Variants in DIP2B observed in about 807,000 individuals in gnomAD.
DIP2B encodes the protein disco-interacting protein 2 homolog B.
Under a neutral mutation model 198.0 loss-of-function variants are expected in DIP2B, and 76 were observed. That is an observed-to-expected ratio of 0.38 (90% CI 0.32 to 0.46). The LOEUF is 0.46. DIP2B is among the 20% of genes least tolerant of loss of function. The pLI is 0.99. For synonymous variants in DIP2B, 701 were observed against 739.1 expected, an observed-to-expected ratio of 0.95 and a Z score of 0.84; for missense variants, 1,559 against 1,978.4, an observed-to-expected ratio of 0.79 and a Z score of 4.02.
At chr12:50,536,267 ACGTG>A (rs1381382948) in intron 1 of DIP2B, among the ~76,000 whole-genome samples, 1 of 123,134 alleles carries the variant, frequency 8.1e-6, no homozygotes, top group Non-Finnish European at 1.7e-5. Context: ...TCTACTAAAT[ACGTG>A]CATACATACA....
At chr12:50,654,310 T>A (rs1247012413) in intron 3 of DIP2B, among the ~76,000 whole-genome samples, 2 of 151,816 alleles carry the variant, frequency 1.3e-5, no homozygotes, top group African/African-American at 4.8e-5. Flanking sequence ...CCATAAACAA[T>A]GTCAAAAAAA....
chr12:50,629,869 C>A (rs941030470), intron 2 of DIP2B, among the ~76,000 whole-genome samples: 2 of 151,990 alleles, frequency 1.3e-5, no homozygotes, highest in Non-Finnish European at 1.5e-5. Context: ...TCCTCAACGT[C>A]CCTGTCTTCC....
At chr12:50,668,958 T>A (rs1938802650) in intron 4 of DIP2B, among the ~76,000 whole-genome samples, 1 of 152,152 alleles carries the variant, frequency 6.6e-6, no homozygotes, top group Non-Finnish European at 1.5e-5. Flanking sequence ...ATCACCCCCC[T>A]TTTGCATGAT....
chr12:50,692,070 A>AT (rs1555193175), intron 13 of DIP2B, among the ~76,000 whole-genome samples: 2 of 151,000 alleles, frequency 1.3e-5, no homozygotes, highest in Non-Finnish European at 1.5e-5. Flanking sequence ...GTCTCAAAAA[A>AT]ATATATATAT....
intron 12 of DIP2B, 50 bp downstream of exon 12, chr12:50,686,732 C>G (rs750077109): frequency 6.5e-7 from 1 of 1,531,808 alleles, no homozygotes; most frequent in Non-Finnish European, 8.9e-7. Flanking sequence ...TTGGGCTTTG[C>G]TTGCCACCTT....
intron 4 of DIP2B, among the ~76,000 whole-genome samples, chr12:50,662,384 C>A (rs1938666696): frequency 6.6e-6 from 1 of 152,224 alleles, no homozygotes; most frequent in Admixed American, 6.5e-5. Context: ...ACAGCCCCCA[C>A]ATGGGATATC....
chr12:50,735,625 C>T (rs1308197549), intron 34 of DIP2B, among the ~76,000 whole-genome samples: 1 of 152,072 alleles, frequency 6.6e-6, no homozygotes, highest in Non-Finnish European at 1.5e-5. Context: ...CCCCCACGCC[C>T]AGCTAATTTT....
intron 1 of DIP2B, among the ~76,000 whole-genome samples, chr12:50,571,092 C>T (rs904462804): frequency 6.6e-6 from 1 of 151,112 alleles, no homozygotes; most frequent in Non-Finnish European, 1.5e-5. Flanking sequence ...AAAATGCCAT[C>T]GCAATGTAGT....
chr12:50,591,867 C>A (rs1313989843), intron 1 of DIP2B, among the ~76,000 whole-genome samples: 1 of 149,246 alleles, frequency 6.7e-6, no homozygotes, highest in Non-Finnish European at 1.5e-5. Flanking sequence ...ACTTTTATTT[C>A]TTTATTTTTG....
chr12:50,724,741 T>C, intron 27 of DIP2B, 34 bp from the exon 28 acceptor site: 1 of 1,602,026 alleles, frequency 6.2e-7, no homozygotes, highest in Non-Finnish European at 8.5e-7. Context: ...GGGCTGAGCC[T>C]CCTGATGCTT....
chr12:50,538,261 G>T (rs1338282948), intron 1 of DIP2B, among the ~76,000 whole-genome samples: 17 of 152,160 alleles, frequency 1.1e-4, no homozygotes, highest in Non-Finnish European at 1.5e-5. Context: ...TCAGAGGGAG[G>T]TTGGTGTGGG....
chr12:50,722,934 A>C (rs544153493), intron 26 of DIP2B, among the ~76,000 whole-genome samples: 228 of 152,342 alleles, frequency 1.5e-3, no homozygotes, highest in Admixed American at 2.4e-3. Flanking sequence ...AATATCAAGC[A>C]ATAATATCAA....
At chr12:50,570,562 T>C (rs751318023) in intron 1 of DIP2B, among the ~76,000 whole-genome samples, 17 of 152,146 alleles carry the variant, frequency 1.1e-4, no homozygotes, top group Non-Finnish European at 1.9e-4. Flanking sequence ...AATGCAAAAT[T>C]AGCCAGGTGT....
chr12:50,552,958 C>T (rs1256159951), intron 1 of DIP2B, among the ~76,000 whole-genome samples: 1 of 152,236 alleles, frequency 6.6e-6, no homozygotes, highest in Non-Finnish European at 1.5e-5. Flanking sequence ...GCCTCAGCCT[C>T]CCGAGTAGCT....
chr12:50,554,251 A>G (rs751326686), intron 1 of DIP2B, among the ~76,000 whole-genome samples: 4 of 152,078 alleles, frequency 2.6e-5, no homozygotes, highest in Non-Finnish European at 5.9e-5. Flanking sequence ...CTACCCACCC[A>G]TGCTTCCATA....
intron 1 of DIP2B, among the ~76,000 whole-genome samples, chr12:50,522,086 C>T (rs1191718238): frequency 7.9e-5 from 12 of 152,002 alleles, no homozygotes; most frequent in East Asian, 1.9e-4. Flanking sequence ...CTGCAACCTC[C>T]GTGTCCGGGG....
chr12:50,635,487 C>T (rs1261312636), intron 2 of DIP2B, among the ~76,000 whole-genome samples: 1 of 152,134 alleles, frequency 6.6e-6, no homozygotes, highest in African/African-American at 2.4e-5. Context: ...ACGTGGCTTC[C>T]TTTTGTGATT....
intron 5 of DIP2B, among the ~76,000 whole-genome samples, chr12:50,673,177 T>G (rs1202863194): frequency 6.6e-6 from 1 of 152,210 alleles, no homozygotes; most frequent in Non-Finnish European, 1.5e-5. Flanking sequence ...TACCGGAATA[T>G]ACTCATGTTA....
intron 1 of DIP2B, among the ~76,000 whole-genome samples, chr12:50,551,701 C>G (rs547492375): frequency 1.3e-5 from 2 of 152,306 alleles, no homozygotes; most frequent in East Asian, 3.9e-4. Context: ...GCCTTGGCCT[C>G]CCAAAGTCTT....
Sources: allele counts gnomAD v4.1 joint callset (sites outside exome capture counted in the v4.1 genomes callset), GRCh38; gene constraint gnomAD v4.1.1; transcripts MANE v1.5; gene names NCBI Gene and HGNC (gene_info 2026-07-23, HGNC 2026-07-21).